RGS6: variants seen among roughly 807,000 people sequenced by gnomAD.
The protein encoded by RGS6 is regulator of G-protein signaling 6.
Under a neutral mutation model 78.5 loss-of-function variants are expected in RGS6, and 30 were observed. The observed-to-expected ratio is 0.38, with a 90% confidence interval of 0.29 to 0.52. The LOEUF (loss-of-function observed/expected upper bound fraction) is 0.52. Among genes scored for constraint, RGS6 ranks in the 20% least tolerant of loss-of-function variants. The probability of loss-of-function intolerance (pLI) is 0.85; values close to 1 mark genes in which losing one functional copy is unlikely to be tolerated. For missense variants in RGS6, 495 were observed against 609.7 expected, an observed-to-expected ratio of 0.81 and a Z score of 1.98; for synonymous variants, 206 against 206.0, an observed-to-expected ratio of 1.00 and a Z score of 0.00.
chr14:72,356,015 C>G (rs943914971), intron 3 of RGS6, among the ~76,000 whole-genome samples: 3 of 152,132 alleles, frequency 2.0e-5, no homozygotes, highest in Non-Finnish European at 4.4e-5. Flanking sequence ...TGCACATGGC[C>G]TGACATGCTC....
chr14:71,935,168 G>T (rs999651820), intron 1 of RGS6, among the ~76,000 whole-genome samples: 11 of 152,138 alleles, frequency 7.2e-5, no homozygotes, highest in Admixed American at 4.6e-4. Context: ...GAAAGAAATA[G>T]AATTACAAAA....
chr14:72,077,988 G>A (rs1254352987), intron 2 of RGS6, among the ~76,000 whole-genome samples: 1 of 152,124 alleles, frequency 6.6e-6, no homozygotes, highest in African/African-American at 2.4e-5. Context: ...TTCTCCCACT[G>A]ATGGCTCTTC....
At chr14:72,354,785 C>T (rs1022043034) in intron 3 of RGS6, among the ~76,000 whole-genome samples, 1 of 152,130 alleles carries the variant, frequency 6.6e-6, no homozygotes, top group Admixed American at 6.5e-5. Context: ...GAGACACGTT[C>T]AGTCCAAAAT....
intron 1 of RGS6, among the ~76,000 whole-genome samples, chr14:71,948,969 T>G (rs2091959645): frequency 1.3e-5 from 2 of 152,130 alleles, no homozygotes; most frequent in Non-Finnish European, 2.9e-5. Context: ...TGCACAACAT[T>G]GTTTGTGAAA....
the RGS6 span, among the ~76,000 whole-genome samples, chr14:72,613,800 T>G: frequency 1.3e-5 from 2 of 152,200 alleles, no homozygotes; most frequent in African/African-American, 4.8e-5. Flanking sequence ...GCCTCTCTTC[T>G]AGCTGCCTGG....
intron 13 of RGS6, among the ~76,000 whole-genome samples, chr14:72,503,020 A>G (rs781054921): frequency 1.3e-5 from 2 of 152,194 alleles, no homozygotes; most frequent in African/African-American, 2.4e-5. Context: ...TAAAAACAAT[A>G]TAAAAATTTT....
chr14:72,509,534 G>T (rs2096853290), intron 13 of RGS6, among the ~76,000 whole-genome samples: 1 of 152,214 alleles, frequency 6.6e-6, no homozygotes, highest in Admixed American at 6.5e-5. Context: ...CAGAGCAGTT[G>T]TGAGGACTCA....
chr14:72,216,368 A>C (rs1001642017), intron 2 of RGS6, among the ~76,000 whole-genome samples: 1 of 152,204 alleles, frequency 6.6e-6, no homozygotes, highest in East Asian at 1.9e-4. Flanking sequence ...AGGTGTATTC[A>C]TGCAGGCTTT....
chr14:72,478,265 C>A lies in RGS6; in HGVS notation c.793-3C>A, dbSNP rs751795612. ...TTAACATCTGTGTTCTCTATTTTCCCAGATAACATTTTTGAACGCACAGAT... is the reference window on the plus strand; with the variant it reads ...TTAACATCTGTGTTCTCTATTTTCCAAGATAACATTTTTGAACGCACAGAT... On this transcript the variant is annotated splice_region_variant and splice_polypyrimidine_tract_variant and intron_variant, in intron 11 of 17. Coordinates refer to ENST00000553525, the MANE Select transcript of RGS6 (RefSeq NM_001204424.2). The A allele has an allele frequency of 6.2e-7, 1 of 1,610,374 alleles. No individual in the cohort carries two copies. Among genetic ancestry groups the A allele is most frequent in the Non-Finnish European group, 8.5e-7 (1 of 1,176,902 alleles).
intron 2 of RGS6, among the ~76,000 whole-genome samples, chr14:72,157,082 A>C (rs1448388022): frequency 6.6e-6 from 1 of 152,190 alleles, no homozygotes; most frequent in Non-Finnish European, 1.5e-5. Flanking sequence ...TCAATCTCCC[A>C]AACCCAGGTT....
intron 3 of RGS6, among the ~76,000 whole-genome samples, chr14:72,394,574 A>T (rs1596706367): frequency 6.6e-6 from 1 of 152,174 alleles, no homozygotes; most frequent in Non-Finnish European, 1.5e-5. Flanking sequence ...TATTTCTCCT[A>T]TTTGCTCTTG....
chr14:72,161,755 T>G (rs140731901), intron 2 of RGS6, among the ~76,000 whole-genome samples: 1 of 152,378 alleles, frequency 6.6e-6, no homozygotes, highest in African/African-American at 2.4e-5. Context: ...CAATTCTGTT[T>G]ACAGCCAGGC....
At chr14:72,351,466 C>G (rs956738014) in intron 2 of RGS6, among the ~76,000 whole-genome samples, 6 of 152,096 alleles carry the variant, frequency 3.9e-5, no homozygotes, top group African/African-American at 1.4e-4. Context: ...AGGAGAAGTT[C>G]CTGTCCTTGA....
At chr14:72,248,683 T>C (rs1314883107) in intron 2 of RGS6, among the ~76,000 whole-genome samples, 1 of 152,256 alleles carries the variant, frequency 6.6e-6, no homozygotes, top group South Asian at 2.1e-4. Flanking sequence ...GTGGAAAAAT[T>C]AATTAGCTCT....
chr14:72,020,177 A>G (rs1763008329), intron 2 of RGS6, among the ~76,000 whole-genome samples: 1 of 152,206 alleles, frequency 6.6e-6, no homozygotes, highest in African/African-American at 2.4e-5. Context: ...GAATTTTCTA[A>G]TTAGCTTGAT....
At chr14:72,194,703 A>G (rs2039593493) in intron 2 of RGS6, among the ~76,000 whole-genome samples, 1 of 152,132 alleles carries the variant, frequency 6.6e-6, no homozygotes, top group South Asian at 2.1e-4. Flanking sequence ...TAAAGGTAAA[A>G]AAACAATAAG....
chr14:72,520,912 T>G (rs2097028769), intron 15 of RGS6, among the ~76,000 whole-genome samples: 1 of 152,226 alleles, frequency 6.6e-6, no homozygotes, highest in African/African-American at 2.4e-5. Context: ...GCTAAGATAT[T>G]CCAGTCTTTG....
chr14:72,530,552 G>T (rs756928727), intron 15 of RGS6, among the ~76,000 whole-genome samples: 1 of 152,124 alleles, frequency 6.6e-6, no homozygotes, highest in Non-Finnish European at 1.5e-5. Context: ...TTAGCCAGGC[G>T]TGGTGGTGCA....
At chr14:72,110,889 A>T (rs930594322) in intron 2 of RGS6, among the ~76,000 whole-genome samples, 1 of 152,032 alleles carries the variant, frequency 6.6e-6, no homozygotes, top group African/African-American at 2.4e-5. Context: ...GTCTAGTCAC[A>T]CCTAGCAGCC....
Sources: gnomAD v4.1 joint callset for allele counts (sites outside exome capture counted in the v4.1 genomes callset) on GRCh38, gnomAD v4.1.1 for gene constraint, MANE v1.5 for transcripts, NCBI Gene and HGNC (gene_info 2026-07-23, HGNC 2026-07-21) for gene names.